GRM1: variants seen among roughly 807,000 people sequenced by gnomAD.
The protein encoded by GRM1 is glutamate metabotropic receptor 1, also known as metabotropic glutamate receptor 1.
A neutral mutation model predicts 90.9 loss-of-function variants in GRM1; 33 were observed. The ratio of observed to expected loss-of-function variants is 0.36; its 90% CI spans 0.28 to 0.49. The LOEUF (loss-of-function observed/expected upper bound fraction) is 0.49, where lower values mean the gene tolerates loss of function less well. Ranked by LOEUF, GRM1 falls within the 20% of genes least tolerant of loss-of-function variation. GRM1 has a pLI of 0.99. For missense variants in GRM1, 1,190 were observed against 1,534.3 expected, an observed-to-expected ratio of 0.78 and a Z score of 3.75; for synonymous variants, 700 against 613.2, an observed-to-expected ratio of 1.14 and a Z score of -2.09.
intron 3 of GRM1, among the ~76,000 whole-genome samples, chr6:146,334,472 A>C (rs11965052): frequency 0.03 from 4,640 of 152,326 alleles, 246 homozygotes; most frequent in African/African-American, 0.11. Context: ...TGGCCAACTA[A>C]TAATGGTCTT....
intron 1 of GRM1, among the ~76,000 whole-genome samples, chr6:146,103,243 G>C (rs1354138331): frequency 6.6e-6 from 1 of 152,180 alleles, no homozygotes; most frequent in Non-Finnish European, 1.5e-5. Context: ...TTAGGAGATT[G>C]GTTAATGAAA....
At chr6:146,320,298 A>T (rs1263028641) in intron 3 of GRM1, among the ~76,000 whole-genome samples, 1 of 152,192 alleles carries the variant, frequency 6.6e-6, no homozygotes, top group East Asian at 1.9e-4. Flanking sequence ...CCAGCCTTGC[A>T]TACCAGGGAT....
At chr6:146,195,902 T>C (rs1779098278) in intron 2 of GRM1, among the ~76,000 whole-genome samples, 1 of 152,166 alleles carries the variant, frequency 6.6e-6, no homozygotes, top group Non-Finnish European at 1.5e-5. Context: ...GAAGAATAGA[T>C]TCAACAGCAG....
chr6:146,045,749 C>A (rs1466020615), intron 1 of GRM1, among the ~76,000 whole-genome samples: 23 of 87,396 alleles, frequency 2.6e-4, no homozygotes, highest in African/African-American at 3.3e-4. Flanking sequence ...TGGAATACAG[C>A]AAAAAAAAAA....
intron 1 of GRM1, among the ~76,000 whole-genome samples, chr6:146,137,013 C>T (rs1291357370): frequency 5.9e-5 from 9 of 151,872 alleles, no homozygotes; most frequent in Non-Finnish European, 1.0e-4. Context: ...CCACCACACC[C>T]GGCTAATTTT....
At chr6:146,359,643 C>T (rs1478580528) in intron 5 of GRM1, among the ~76,000 whole-genome samples, 1 of 152,176 alleles carries the variant, frequency 6.6e-6, no homozygotes, top group Non-Finnish European at 1.5e-5. Context: ...AATGGCTGCT[C>T]ACATACCACG....
rs753601569 is a variant in GRM1 at position 146,398,790 on chromosome 6, G to A, written c.1751G>A (p.Arg584His). Residue 584 changes from arginine (R) to histidine (H), a missense_variant, in exon 7 of 8, where the codon CGC becomes CAC. Arg to His is a conservative substitution (Grantham distance 29). This residue lies in a region of GRM1 where 414 missense variants were observed against 598.4 expected (regional missense o/e 0.69). Coordinates refer to ENST00000282753, the MANE Select transcript of GRM1 (RefSeq NM_001278064.2). ...ACAGGCTGTGAGCCCATTCCTGTGC[G>A]CTATCTTGAGTGGAGCAACATCGAA... ...DLTGCEPIPV[R>H]YLEWSNIESI... The A allele has an allele frequency of 1.5e-5, 24 of 1,612,344 alleles. No homozygotes were observed. The highest frequency in any genetic ancestry group is 2.7e-5 in the African/African-American group (2 of 74,842).
At chr6:146,326,594 TA>T (rs879608193) in intron 3 of GRM1, among the ~76,000 whole-genome samples, 9 of 150,396 alleles carry the variant, frequency 6.0e-5, no homozygotes, top group South Asian at 2.1e-4. Context: ...ACTTAAAAGT[TA>T]AAAAAAAATA....
intron 2 of GRM1, among the ~76,000 whole-genome samples, chr6:146,234,852 C>T (rs1190654128): frequency 2.0e-5 from 3 of 152,122 alleles, no homozygotes; most frequent in African/African-American, 7.2e-5. Flanking sequence ...AAGCAATTCT[C>T]ATGCCTCAGC....
intron 1 of GRM1, among the ~76,000 whole-genome samples, chr6:146,112,310 G>T (rs1775590003): frequency 6.6e-6 from 1 of 150,794 alleles, no homozygotes; most frequent in Non-Finnish European, 1.5e-5. Context: ...ACAAGTATAA[G>T]GAATGAAGAA....
chr6:146,137,138 C>G (rs963552066), intron 1 of GRM1, among the ~76,000 whole-genome samples: 3 of 152,138 alleles, frequency 2.0e-5, no homozygotes, highest in African/African-American at 7.2e-5. Flanking sequence ...CAGGCGTGAG[C>G]TACCATGCCC....
intron 7 of GRM1, among the ~76,000 whole-genome samples, chr6:146,422,238 C>T (rs1036969444): frequency 1.3e-5 from 2 of 152,120 alleles, no homozygotes; most frequent in African/African-American, 2.4e-5. Flanking sequence ...CAAATCCATT[C>T]AAAGTCACTG....
chr6:146,425,773 G>A lies in GRM1; in HGVS notation c.2661-8099G>A, dbSNP rs138064164. Among the ~76,000 whole-genome samples, 916 of 152,268 alleles carry A rather than the reference G, an allele frequency of 6.0e-3. 10 individuals carry two copies. Among genetic ancestry groups the A allele is most frequent in the Middle Eastern group, 0.031 (9 of 294 alleles). On this transcript the variant is annotated intron_variant, in intron 7 of 7. Coordinates refer to ENST00000282753, the MANE Select transcript of GRM1 (RefSeq NM_001278064.2). ...GCTTATGTGGCATGACAGCCAGACA[G>A]CTTTATCCCATCACCTTCTGCAGTG...
chr6:146,253,963 T>C, intron 2 of GRM1, among the ~76,000 whole-genome samples: 1 of 151,936 alleles, frequency 6.6e-6, no homozygotes, highest in East Asian at 1.9e-4. Context: ...CATAAGACAA[T>C]ATTTTACTTT....
At chr6:146,174,648 G>A (rs1778266449) in intron 2 of GRM1, among the ~76,000 whole-genome samples, 1 of 152,146 alleles carries the variant, frequency 6.6e-6, no homozygotes, top group South Asian at 2.1e-4. Context: ...AGATAAACAA[G>A]AGCTCATTAA....
chr6:146,379,093 T>C lies in GRM1; in HGVS notation c.1603-7797T>C, dbSNP rs150607789. Among the ~76,000 whole-genome samples the C allele has an allele frequency of 1.6e-4, 25 of 152,286 alleles. No homozygotes were observed. The East Asian group carries it at 2.7e-3, about 16-fold the overall frequency. On this transcript the variant is annotated intron_variant, in intron 5 of 7. Transcript: ENST00000282753. ...AGAACAGACTCATACAATACCCTTC[T>C]TGTACTTGGATATTGATATCTTACT...
At chr6:146,311,751 C>G (rs1326555935) in intron 3 of GRM1, among the ~76,000 whole-genome samples, 1 of 152,068 alleles carries the variant, frequency 6.6e-6, no homozygotes, top group African/African-American at 2.4e-5. Flanking sequence ...ACATGAGTAA[C>G]AGCATGAACT....
chr6:146,233,386 T>C (rs1465854044), intron 2 of GRM1, among the ~76,000 whole-genome samples: 1 of 152,138 alleles, frequency 6.6e-6, no homozygotes, highest in South Asian at 2.1e-4. Flanking sequence ...ATTTACAACA[T>C]GAAAACTGGC....
intron 6 of GRM1, among the ~76,000 whole-genome samples, chr6:146,396,711 G>A (rs184758871): frequency 2.0e-5 from 3 of 152,092 alleles, no homozygotes; most frequent in African/African-American, 7.2e-5. Context: ...CAAAAGCAAA[G>A]AAACAGCAAG....
Sources: gnomAD v4.1 joint callset for allele counts (sites outside exome capture counted in the v4.1 genomes callset) on GRCh38, gnomAD v4.1.1 for gene constraint, gnomAD v4.1.1 regional missense constraint, MANE v1.5 for transcripts, NCBI Gene and HGNC (gene_info 2026-07-23, HGNC 2026-07-21) for gene names.